Variants in SGMS1 observed in about 807,000 individuals in gnomAD.
SGMS1 encodes sphingomyelin synthase 1.
In SGMS1, 13 loss-of-function variants were observed where a neutral mutation model predicts 46.2. The observed-to-expected ratio is 0.28, with a 90% CI of 0.18 to 0.45. The LOEUF is 0.45. Ranked by LOEUF, SGMS1 falls within the 20% of genes least tolerant of loss-of-function variation. The pLI is 1.00. For synonymous variants in SGMS1, 203 were observed against 187.8 expected (o/e 1.08, Z -0.66); for missense variants, 324 against 519.9 (o/e 0.62, Z 3.66).
chr10:50,413,637 C>G (rs1416084000), intron 6 of SGMS1, among the ~76,000 whole-genome samples: 1 of 152,186 alleles, frequency 6.6e-6, no homozygotes. Context: ...CACTAGCACA[C>G]CTCCCCAACC....
In SGMS1 at chr10:50,495,071, T is replaced by TA. The variant is rs1564927944; in HGVS notation, c.-498+24759dup. Among the ~76,000 whole-genome samples the TA allele has an allele frequency of 4.5e-5, 2 of 44,752 alleles. 1 individual carries two copies. The highest frequency in any genetic ancestry group is 1.2e-4 in the Non-Finnish European group (2 of 16,360). The allele number at this position is 44,752 out of a possible 152,430, so 29.4% of individuals were successfully genotyped here. A position where few individuals can be genotyped will look rare whatever the true frequency, so the allele number is the denominator to read the frequency against. On this transcript the variant is annotated intron_variant, in intron 3 of 10. Transcript: ENST00000361781. ...ATAAAATAAAAAAAAATACAAAAAATACAAAAAAAAAAAAAAATTAGCCGG... is the reference window on the plus strand; with the variant it reads ...ATAAAATAAAAAAAAATACAAAAAATAACAAAAAAAAAAAAAAATTAGCCGG...
In SGMS1 at chr10:50,377,735, A is replaced by T. The variant is rs1848539510; in HGVS notation, c.-231-33390T>A. On this transcript the variant is annotated intron_variant, in intron 6 of 10. Transcript: ENST00000361781. ...ATCAGTCTGGAGGCCAGAAGTCTGA[A>T]ATCAAAGTATTAGCAGGGACATACT... Among the ~76,000 whole-genome samples the T allele has an allele frequency of 2.0e-5, 3 of 152,286 alleles. 1 individual carries two copies. The highest frequency in any genetic ancestry group is 6.8e-3 in the Middle Eastern group (2 of 294).
intron 1 of SGMS1, among the ~76,000 whole-genome samples, chr10:50,605,736 A>G (rs1430858198): frequency 6.6e-6 from 1 of 152,230 alleles, no homozygotes; most frequent in East Asian, 1.9e-4. Flanking sequence ...AAGAAGGCAC[A>G]TATTTTTATT....
chr10:50,342,166 A>G (rs1006354212), intron 7 of SGMS1: 4 of 152,274 alleles, frequency 2.6e-5, no homozygotes, highest in Non-Finnish European at 5.9e-5. Context: ...AAAGTTTAAA[A>G]GTCAAAAAGG....
At chr10:50,440,506 G>A (rs1203399) in intron 5 of SGMS1, among the ~76,000 whole-genome samples, 80,045 of 151,972 alleles carry the variant, frequency 0.53, 21,556 homozygotes, top group Non-Finnish European at 0.59. Context: ...AAATGCATCT[G>A]AATGCTTTGA....
intron 3 of SGMS1, among the ~76,000 whole-genome samples, chr10:50,484,246 A>G (rs1345127943): frequency 3.3e-5 from 5 of 152,176 alleles, no homozygotes; most frequent in Non-Finnish European, 7.3e-5. Flanking sequence ...ACAAACAACC[A>G]TCAGAGAATA....
intron 7 of SGMS1, chr10:50,341,505 A>C (rs1162349086): frequency 2.2e-6 from 1 of 450,588 alleles, no homozygotes. Flanking sequence ...CTCTGAAGCT[A>C]ATAAAATTCA....
chr10:50,476,657 T>C (rs1160397237), intron 3 of SGMS1, among the ~76,000 whole-genome samples: 4 of 152,288 alleles, frequency 2.6e-5, no homozygotes, highest in South Asian at 2.1e-4. Flanking sequence ...AAAAATACTT[T>C]TGTGGGCCAG....
chr10:50,556,189 C>T (rs918064225), intron 2 of SGMS1, among the ~76,000 whole-genome samples: 3 of 152,168 alleles, frequency 2.0e-5, no homozygotes, highest in African/African-American at 7.2e-5. Flanking sequence ...CTGTTCCATA[C>T]AAAACTGTAA....
chr10:50,361,419 G>A (rs556437387), intron 6 of SGMS1, among the ~76,000 whole-genome samples: 2 of 152,170 alleles, frequency 1.3e-5, no homozygotes, highest in South Asian at 2.1e-4. Flanking sequence ...TCACATACCC[G>A]TCAGAACCCA....
At chr10:50,388,356 G>A (rs1194072746) in intron 6 of SGMS1, among the ~76,000 whole-genome samples, 4 of 151,936 alleles carry the variant, frequency 2.6e-5, no homozygotes, top group Non-Finnish European at 5.9e-5. Flanking sequence ...AAAAGAGGCT[G>A]GGTATGGTGG....
chr10:50,333,649 A>C (rs1477586758), intron 7 of SGMS1, among the ~76,000 whole-genome samples: 1 of 152,190 alleles, frequency 6.6e-6, no homozygotes, highest in Non-Finnish European at 1.5e-5. Context: ...GTACTTTAGG[A>C]GAGAAAATTC....
At chr10:50,408,784 G>T (rs536253496) in intron 6 of SGMS1, among the ~76,000 whole-genome samples, 1 of 152,130 alleles carries the variant, frequency 6.6e-6, no homozygotes, top group East Asian at 1.9e-4. Flanking sequence ...GTTGAGGCAG[G>T]AGAATCATTT....
intron 1 of SGMS1, among the ~76,000 whole-genome samples, chr10:50,611,559 T>C (rs1052972213): frequency 2.6e-5 from 4 of 152,224 alleles, no homozygotes; most frequent in Non-Finnish European, 5.9e-5. Flanking sequence ...CTCACCAGTG[T>C]GCTTGGACAG....
intron 6 of SGMS1, among the ~76,000 whole-genome samples, chr10:50,411,707 C>A (rs980775248): frequency 1.3e-5 from 2 of 152,150 alleles, no homozygotes; most frequent in Non-Finnish European, 2.9e-5. Context: ...ATCAGCTTGA[C>A]TTTCAGTTTG....
chr10:50,542,951 A>G (rs1036523398), intron 2 of SGMS1, among the ~76,000 whole-genome samples: 2 of 151,816 alleles, frequency 1.3e-5, no homozygotes, highest in African/African-American at 4.8e-5. Context: ...ACAGGATGCC[A>G]TCACTGTTTA....
At chr10:50,468,481 C>T (rs563255851) in intron 3 of SGMS1, among the ~76,000 whole-genome samples, 1 of 152,296 alleles carries the variant, frequency 6.6e-6, no homozygotes, top group Admixed American at 6.5e-5. Flanking sequence ...TCTTTTTGTA[C>T]ATCAAAGAAG....
intron 1 of SGMS1, among the ~76,000 whole-genome samples, chr10:50,602,230 C>A (rs537821069): frequency 4.2e-4 from 64 of 152,314 alleles, no homozygotes; most frequent in Middle Eastern, 3.4e-3. Context: ...GAAAACCCTG[C>A]CCCATCTCTG....
intron 5 of SGMS1, among the ~76,000 whole-genome samples, chr10:50,444,044 T>G (rs1836976629): frequency 6.6e-6 from 1 of 152,110 alleles, no homozygotes; most frequent in South Asian, 2.1e-4. Flanking sequence ...CTAAAAATAT[T>G]CAATAAACAG....
Sources: gnomAD v4.1 joint callset for allele counts (sites outside exome capture counted in the v4.1 genomes callset) on GRCh38, gnomAD v4.1.1 for gene constraint, MANE v1.5 for transcripts, NCBI Gene and HGNC (gene_info 2026-07-23, HGNC 2026-07-21) for gene names.